The following SPA17 variants were observed in gnomAD, a reference collection of about 807,000 sequenced individuals.
The protein encoded by SPA17 is sperm autoantigenic protein 17.
Under a neutral mutation model 13.8 loss-of-function variants are expected in SPA17, and 7 were observed. The observed-to-expected ratio is 0.51, with a 90% CI of 0.29 to 0.95. The LOEUF is 0.95. Among genes scored for constraint, SPA17 ranks in the 40% least tolerant of loss-of-function variants. The pLI is 0.08. For missense variants in SPA17, 170 were observed against 179.3 expected (o/e 0.95, Z 0.30); for synonymous variants, 61 against 59.0 (o/e 1.03, Z -0.16).
Position 124,694,360 on chromosome 11 carries a change from G to A in SPA17, c.370G>A (p.Ala124Thr), listed in dbSNP as rs1943653043. ...EEVAAVKIQA[A>T]FRGHIAREEA... is the part of the protein sequence containing the mutation. Reference sequence around the variant, plus strand: ...GGTTGCTGCTGTCAAAATCCAAGCTGCCTTCCGGGGACACATAGCCAGAGA... The same window carrying A: ...GGTTGCTGCTGTCAAAATCCAAGCTACCTTCCGGGGACACATAGCCAGAGA... The change falls in exon 5 of 5, where the codon GCC becomes ACC. Residue 124 changes from alanine (A) to threonine (T), a missense_variant. Ala to Thr is a moderately conservative substitution (Grantham distance 58, BLOSUM62 0). Transcript: ENST00000227135. The A allele has an allele frequency of 2.5e-6, 4 of 1,614,046 alleles. No homozygotes were observed. Among genetic ancestry groups the A allele is most frequent in the Non-Finnish European group, 2.5e-6 (3 of 1,179,978 alleles).
intron 3 of SPA17, among the ~76,000 whole-genome samples, chr11:124,688,105 C>T (rs1055650427): frequency 6.6e-6 from 1 of 152,204 alleles, no homozygotes; most frequent in African/African-American, 2.4e-5. Context: ...CCTTGGCCTA[C>T]TGTGCTCAAG....
At chr11:124,677,337 T>C (rs1217380512) in intron 2 of SPA17, among the ~76,000 whole-genome samples, 1 of 152,236 alleles carries the variant, frequency 6.6e-6, no homozygotes, top group African/African-American at 2.4e-5. Context: ...TGGTTACTAC[T>C]CTTAATTTTT....
chr11:124,676,827 C>T (rs556777121), intron 2 of SPA17, among the ~76,000 whole-genome samples: 1 of 152,264 alleles, frequency 6.6e-6, no homozygotes, highest in East Asian at 1.9e-4. Flanking sequence ...TGTCTCTACA[C>T]CAAAGCCCCT....
At chr11:124,676,449 A>G (rs1206255816) in intron 2 of SPA17, 1 of 152,264 alleles carries the variant, frequency 6.6e-6, no homozygotes. Context: ...CAAACATTCT[A>G]TTGTAATCAT....
At position 124,695,497 on chromosome 11, in the gene SPA17, C is replaced by T. The variant is rs557778029; in HGVS notation, c.*1051C>T. ...GCCTTAGTTTTAGAAAGTTCCGTCT[C>T]TCCTTTTTGAGGCCTCTCCACCCTT... On this transcript the variant is annotated 3_prime_UTR_variant, in exon 5 of 5. Transcript: ENST00000227135. 64 of 152,298 alleles carry T rather than the reference C, an allele frequency of 4.2e-4. 1 individual carries two copies. The highest frequency in any genetic ancestry group is 1.5e-3 in the African/African-American group (63 of 41,546). 9.4% of individuals were successfully genotyped at this position (152,298 alleles called of 1,614,324 possible).
At chr11:124,687,651 G>A (rs1943588942) in intron 3 of SPA17, among the ~76,000 whole-genome samples, 2 of 152,074 alleles carry the variant, frequency 1.3e-5, no homozygotes, top group South Asian at 4.1e-4. Flanking sequence ...TTCAACATAT[G>A]CAAATCAATA....
At chr11:124,679,884 G>T (rs190924216) in intron 2 of SPA17, among the ~76,000 whole-genome samples, 2 of 152,014 alleles carry the variant, frequency 1.3e-5, no homozygotes, top group Non-Finnish European at 2.9e-5. Context: ...AGAATAATAC[G>T]TGCATTGGAT....
At chr11:124,694,217 A>G in intron 4 of SPA17, 86 bp from the exon 5 acceptor site, 4 of 1,518,454 alleles carry the variant, frequency 2.6e-6, no homozygotes. Context: ...CATCCCTAAA[A>G]TGATTAAATT....
intron 3 of SPA17, among the ~76,000 whole-genome samples, chr11:124,687,266 G>A (rs529436616): frequency 6.6e-6 from 1 of 151,700 alleles, no homozygotes; most frequent in African/African-American, 2.4e-5. Context: ...GACTAATAAC[G>A]AGTAGCAAGA....
intron 3 of SPA17, among the ~76,000 whole-genome samples, chr11:124,685,857 G>A (rs944806853): frequency 1.3e-5 from 2 of 152,174 alleles, no homozygotes; most frequent in African/African-American, 2.4e-5. Context: ...TTTGGAGCAG[G>A]TGTATTTACC....
At chr11:124,676,552 C>T (rs1943466299) in intron 2 of SPA17, among the ~76,000 whole-genome samples, 1 of 152,220 alleles carries the variant, frequency 6.6e-6, no homozygotes, top group African/African-American at 2.4e-5. Context: ...TTGCCCTGCC[C>T]TAGCAGAGCT....
chr11:124,678,950 A>G (rs1015822102), intron 2 of SPA17, among the ~76,000 whole-genome samples: 3 of 152,276 alleles, frequency 2.0e-5, no homozygotes, highest in Middle Eastern at 3.4e-3. Context: ...TAGAGAGAAC[A>G]TGATAGAAAA....
At chr11:124,687,786 C>G (rs1213059391) in intron 3 of SPA17, among the ~76,000 whole-genome samples, 1 of 152,048 alleles carries the variant, frequency 6.6e-6, no homozygotes, top group Admixed American at 6.6e-5. Flanking sequence ...GAACATACCT[C>G]AAAACAATAA....
intron 4 of SPA17, 32 bp from the exon 5 acceptor site, chr11:124,694,271 A>G (rs1943651726): frequency 1.9e-6 from 3 of 1,595,280 alleles, no homozygotes; most frequent in Non-Finnish European, 2.6e-6. Context: ...CCATATTTAA[A>G]GAGTCTCTTA....
intron 3 of SPA17, among the ~76,000 whole-genome samples, chr11:124,684,702 T>C (rs925131137): frequency 4.6e-5 from 7 of 152,188 alleles, no homozygotes; most frequent in African/African-American, 1.7e-4. Flanking sequence ...ATCTGGAACT[T>C]CCTAGAGACT....
chr11:124,685,266 G>A (rs1460634234), intron 3 of SPA17, among the ~76,000 whole-genome samples: 1 of 152,242 alleles, frequency 6.6e-6, no homozygotes, highest in Admixed American at 6.5e-5. Flanking sequence ...TGGTTAAAAG[G>A]GGCCAATGTA....
At chr11:124,683,496 G>A (rs1184534217) in intron 3 of SPA17, among the ~76,000 whole-genome samples, 2 of 149,938 alleles carry the variant, frequency 1.3e-5, no homozygotes, top group African/African-American at 4.9e-5. Context: ...TGGATTAAAT[G>A]CTCAACATAA....
chr11:124,676,391 A>G (rs909314903), intron 2 of SPA17: 3 of 152,264 alleles, frequency 2.0e-5, no homozygotes, highest in Admixed American at 1.3e-4. Context: ...TTTTTATTAC[A>G]GTATTCTAAC....
intron 4 of SPA17, 46 bp downstream of exon 4, chr11:124,691,828 T>C (rs1943625986): frequency 7.6e-7 from 1 of 1,310,514 alleles, no homozygotes; most frequent in African/African-American, 1.5e-5. Context: ...CAAAGAATGA[T>C]ATTGCCCAAT....
Sources: gnomAD v4.1 joint callset for allele counts (sites outside exome capture counted in the v4.1 genomes callset) on GRCh38, gnomAD v4.1.1 for gene constraint, MANE v1.5 for transcripts, NCBI Gene and HGNC (gene_info 2026-07-23, HGNC 2026-07-21) for gene names.